SLC25A26: variants seen among roughly 807,000 people sequenced by gnomAD.
SLC25A26 encodes mitochondrial S-adenosylmethionine carrier protein.
In SLC25A26, 36 loss-of-function variants were observed where a neutral mutation model predicts 37.8. That is an observed-to-expected ratio of 0.95 (90% CI 0.73 to 1.26). SLC25A26 has a LOEUF of 1.26. Ranked by LOEUF, SLC25A26 falls within the 50% of genes most tolerant of loss-of-function variation. The pLI is 0.00. For missense variants in SLC25A26, 390 were observed against 331.1 expected, an observed-to-expected ratio of 1.18 and a Z score of -1.38; for synonymous variants, 129 against 122.5, an observed-to-expected ratio of 1.05 and a Z score of -0.35.
At chr3:66,265,319 AT>A (rs1246406893) in intron 5 of SLC25A26, among the ~76,000 whole-genome samples, 1 of 152,212 alleles carries the variant, frequency 6.6e-6, no homozygotes, top group Non-Finnish European at 1.5e-5. Flanking sequence ...AAGAAAAAAA[AT>A]AAAAATAAAA....
intron 1 of SLC25A26, among the ~76,000 whole-genome samples, chr3:66,204,124 G>C (rs1410505464): frequency 6.6e-6 from 1 of 152,122 alleles, no homozygotes; most frequent in Non-Finnish European, 1.5e-5. Flanking sequence ...GAGGAAACTT[G>C]CATGAAAATC....
chr3:66,216,872 G>A (rs947640813), upstream of SLC25A26, among the ~76,000 whole-genome samples: 1 of 152,162 alleles, frequency 6.6e-6, no homozygotes, highest in Non-Finnish European at 1.5e-5. Flanking sequence ...TGGTGATAAT[G>A]ATGATGCATT....
chr3:66,220,704 C>G (rs2071445787), upstream of SLC25A26: 1 of 307,366 alleles, frequency 3.3e-6, no homozygotes, highest in African/African-American at 2.3e-5. Flanking sequence ...CTCACGACTC[C>G]TCCCTCCGCC....
At chr3:66,137,050 G>A (rs1470974689) in intron 1 of SLC25A26, among the ~76,000 whole-genome samples, 1 of 151,952 alleles carries the variant, frequency 6.6e-6, no homozygotes, top group Admixed American at 6.6e-5. Context: ...ATAAAGTTCA[G>A]TTAAAAATCA....
intron 1 of SLC25A26, among the ~76,000 whole-genome samples, chr3:66,203,335 C>T (rs2071133435): frequency 6.6e-6 from 1 of 151,498 alleles, no homozygotes; most frequent in Admixed American, 6.6e-5. Context: ...GAGTGGTGAT[C>T]GTGCCACTGC....
intron 1 of SLC25A26, among the ~76,000 whole-genome samples, chr3:66,165,164 G>A (rs1015772426): frequency 3.9e-5 from 6 of 152,232 alleles, no homozygotes; most frequent in African/African-American, 1.4e-4. Flanking sequence ...AGGCGACACA[G>A]TGAGAAACTA....
intron 1 of SLC25A26, among the ~76,000 whole-genome samples, chr3:66,167,925 G>T (rs1467859749): frequency 1.3e-5 from 2 of 151,828 alleles, no homozygotes; most frequent in Admixed American, 6.6e-5. Flanking sequence ...AGGCCGAGGC[G>T]GGCGGATCAC....
At chr3:66,241,125 A>T (rs1332454705) in intron 2 of SLC25A26, among the ~76,000 whole-genome samples, 1 of 149,818 alleles carries the variant, frequency 6.7e-6, no homozygotes, top group Non-Finnish European at 1.5e-5. Context: ...AATCTCCAAA[A>T]ATTTTTCCAG....
intron 1 of SLC25A26, among the ~76,000 whole-genome samples, chr3:66,158,749 G>A (rs2070317596): frequency 6.6e-6 from 1 of 152,184 alleles, no homozygotes; most frequent in South Asian, 2.1e-4. Context: ...TAGAGGGGCA[G>A]AGGGAAGAAG....
At chr3:66,252,911 T>C (rs2073140140) in intron 3 of SLC25A26, among the ~76,000 whole-genome samples, 1 of 151,750 alleles carries the variant, frequency 6.6e-6, no homozygotes, top group Non-Finnish European at 1.5e-5. Context: ...ATTTAAAAAA[T>C]GGCAGAAGTA....
chr3:66,210,533 G>GTCACT (rs2071270422), intron 1 of SLC25A26, among the ~76,000 whole-genome samples: 1 of 150,786 alleles, frequency 6.6e-6, no homozygotes, highest in Non-Finnish European at 1.5e-5. Flanking sequence ...TTTTTTTCTT[G>GTCACT]AGATGGGGGT....
intron 9 of SLC25A26, among the ~76,000 whole-genome samples, chr3:66,371,982 G>GCAGCTA (rs1261960241): frequency 2.6e-5 from 4 of 152,100 alleles, no homozygotes; most frequent in Non-Finnish European, 5.9e-5. Context: ...ACCTGTAGTC[G>GCAGCTA]CAGCTACTCA....
intron 1 of SLC25A26, among the ~76,000 whole-genome samples, chr3:66,153,589 A>T (rs746101222): frequency 3.3e-5 from 5 of 152,196 alleles, no homozygotes; most frequent in Non-Finnish European, 7.3e-5. Flanking sequence ...GAATGCGCAG[A>T]ATTTCTTTTA....
intron 1 of SLC25A26, among the ~76,000 whole-genome samples, chr3:66,233,327 T>C (rs1384791914): frequency 1.3e-5 from 2 of 152,246 alleles, no homozygotes; most frequent in African/African-American, 4.8e-5. Flanking sequence ...ATCTATAAGA[T>C]ATTGAGGTCT....
chr3:66,256,953 TA>T (rs541498610), intron 3 of SLC25A26, among the ~76,000 whole-genome samples: 10 of 152,240 alleles, frequency 6.6e-5, no homozygotes, highest in Non-Finnish European at 1.2e-4. Context: ...AATTGATGAT[TA>T]TTTTTTTGCT....
chr3:66,270,386 A>C (rs1490676429), intron 5 of SLC25A26, among the ~76,000 whole-genome samples: 1 of 152,218 alleles, frequency 6.6e-6, no homozygotes, highest in Admixed American at 6.5e-5. Flanking sequence ...ATTGAACCCT[A>C]TTTTAATCCT....
chr3:66,339,082 G>A (rs1456707058), intron 5 of SLC25A26, among the ~76,000 whole-genome samples: 5 of 151,914 alleles, frequency 3.3e-5, no homozygotes, highest in East Asian at 1.9e-4. Flanking sequence ...CTGTATACCC[G>A]GGAGCAAAAT....
At chr3:66,282,301 G>A (rs925478542) in intron 5 of SLC25A26, among the ~76,000 whole-genome samples, 11 of 152,062 alleles carry the variant, frequency 7.2e-5, no homozygotes, top group African/African-American at 2.7e-4. Flanking sequence ...GTGAGCCACC[G>A]CGCCCGGCCT....
chr3:66,207,460 G>A (rs1576637938), intron 1 of SLC25A26, among the ~76,000 whole-genome samples: 1 of 152,132 alleles, frequency 6.6e-6, no homozygotes, highest in East Asian at 1.9e-4. Flanking sequence ...AGTATTATGG[G>A]AAGACAGACT....
Sources: gnomAD v4.1 joint callset for allele counts (sites outside exome capture counted in the v4.1 genomes callset) on GRCh38, gnomAD v4.1.1 for gene constraint, MANE v1.5 for transcripts, NCBI Gene and HGNC (gene_info 2026-07-23, HGNC 2026-07-21) for gene names.